RGS22: variants seen among roughly 807,000 people sequenced by gnomAD.
RGS22 encodes the protein regulator of G-protein signaling 22.
Under a neutral mutation model 172.9 loss-of-function variants are expected in RGS22, and 148 were observed. The observed-to-expected ratio is 0.86, with a 90% CI of 0.75 to 0.98. The LOEUF (loss-of-function observed/expected upper bound fraction) is 0.98, where lower values mean the gene tolerates loss of function less well. RGS22 is among the 50% of genes least tolerant of loss of function. The pLI, the probability that RGS22 is intolerant of heterozygous loss-of-function variation, is 0.00. For synonymous variants in RGS22, 458 were observed against 480.2 expected, an observed-to-expected ratio of 0.95 and a Z score of 0.60; for missense variants, 1,347 against 1,440.8, an observed-to-expected ratio of 0.93 and a Z score of 1.05.
At chr8:100,011,735 T>C (rs899391360) in intron 14 of RGS22, among the ~76,000 whole-genome samples, 3 of 152,182 alleles carry the variant, frequency 2.0e-5, no homozygotes, top group African/African-American at 7.2e-5. Flanking sequence ...CATATAATTC[T>C]ATGTCTAGCA....
chr8:100,054,244 A>G (rs981016122), intron 9 of RGS22: 1 of 152,274 alleles, frequency 6.6e-6, no homozygotes, highest in Non-Finnish European at 1.5e-5. Context: ...GCCACAGCCC[A>G]AAGACTAATT....
At chr8:100,074,472 C>G (rs1229998903) in intron 4 of RGS22, among the ~76,000 whole-genome samples, 2 of 152,166 alleles carry the variant, frequency 1.3e-5, no homozygotes, top group African/African-American at 2.4e-5. Context: ...TGATCTGTTC[C>G]GTAGTTTTGC....
intron 3 of RGS22, among the ~76,000 whole-genome samples, chr8:100,089,671 T>C (rs1053839467): frequency 1.3e-5 from 2 of 152,086 alleles, no homozygotes; most frequent in African/African-American, 4.8e-5. Flanking sequence ...CAAAGAAACA[T>C]TTATTGAGTG....
intron 4 of RGS22, among the ~76,000 whole-genome samples, chr8:100,078,601 C>G (rs1345990926): frequency 6.6e-6 from 1 of 151,496 alleles, no homozygotes. Context: ...TTCCTTTGAT[C>G]TCCACTATTG....
In RGS22 at chr8:100,051,731, G is replaced by T. The variant is rs1427132521; in HGVS notation, c.1689+1071C>A. ...TATATAAATATATATTTATATATACGTATATATAAATATATATTTATATAT... is the reference window on the plus strand; with the variant it reads ...TATATAAATATATATTTATATATACTTATATATAAATATATATTTATATAT... On this transcript the variant is annotated intron_variant, in intron 10 of 27. Coordinates refer to ENST00000360863, the MANE Select transcript of RGS22 (RefSeq NM_015668.5). Among the ~76,000 whole-genome samples, 11 of 51,312 alleles carry T rather than the reference G, an allele frequency of 2.1e-4. 1 individual carries two copies. Among genetic ancestry groups the T allele is most frequent in the African/African-American group, 1.1e-3 (8 of 7,466 alleles). The allele number at this position is 51,312 out of a possible 152,430, so 33.7% of individuals were successfully genotyped here.
At chr8:100,096,670 AATTT>A (rs1812997656) in intron 2 of RGS22, among the ~76,000 whole-genome samples, 1 of 137,922 alleles carries the variant, frequency 7.3e-6, no homozygotes. Flanking sequence ...ATTTAAAAAA[AATTT>A]TTTTTTTTTT....
intron 15 of RGS22, among the ~76,000 whole-genome samples, chr8:100,006,362 C>A (rs913410355): frequency 1.3e-5 from 2 of 152,146 alleles, no homozygotes; most frequent in African/African-American, 4.8e-5. Context: ...TGTAAACTTA[C>A]AAACAATGCA....
chr8:99,965,432 T>A lies in RGS22; in HGVS notation c.3520-2A>T. On this transcript the variant is annotated splice_acceptor_variant, in intron 23 of 27. Coordinates refer to ENST00000360863, the MANE Select transcript of RGS22 (RefSeq NM_015668.5). LOFTEE classifies it high-confidence loss of function. The stretch of plus-strand genomic sequence containing the variant: ...ATTTGCATATTGTTTGATTCCATCC[T>A]GTAATTATATTAAATTAAATTATTA... 2 of 1,580,062 alleles carry A rather than the reference T, an allele frequency of 1.3e-6. No individual in the cohort carries two copies. Among genetic ancestry groups the A allele is most frequent in the Non-Finnish European group, 1.7e-6 (2 of 1,152,890 alleles).
intron 4 of RGS22, among the ~76,000 whole-genome samples, chr8:100,073,394 T>C (rs1382153616): frequency 7.0e-6 from 1 of 143,396 alleles, no homozygotes; most frequent in Non-Finnish European, 1.5e-5. Flanking sequence ...GATTGGAACA[T>C]AAAATAGTTT....
chr8:100,019,385 T>A (rs1352572226), intron 14 of RGS22, among the ~76,000 whole-genome samples: 1 of 152,248 alleles, frequency 6.6e-6, no homozygotes, highest in Non-Finnish European at 1.5e-5. Context: ...TTAATGATCA[T>A]GTGTATGTAT....
intron 22 of RGS22, among the ~76,000 whole-genome samples, chr8:99,980,446 T>C (rs1032466458): frequency 2.2e-4 from 33 of 152,090 alleles, no homozygotes; most frequent in Admixed American, 2.2e-3. Context: ...AGGTAAGTTT[T>C]AGGAACGGAT....
intron 2 of RGS22, among the ~76,000 whole-genome samples, chr8:100,096,671 ATTT>A (rs74275402): frequency 7.2e-6 from 1 of 138,076 alleles, no homozygotes. Context: ...TTTAAAAAAA[ATTT>A]TTTTTTTTTT....
At chr8:99,967,265 G>A (rs1200889455) in intron 23 of RGS22, among the ~76,000 whole-genome samples, 1 of 152,078 alleles carries the variant, frequency 6.6e-6, no homozygotes, top group Non-Finnish European at 1.5e-5. Flanking sequence ...TATGCCACCA[G>A]TGCCCTGGGT....
In RGS22 at chr8:100,105,967, C is replaced by G. The variant is rs768659602; in HGVS notation, c.-46G>C. On this transcript the variant is annotated 5_prime_UTR_variant, in exon 1 of 28. Coordinates refer to ENST00000360863, the MANE Select transcript of RGS22 (RefSeq NM_015668.5). ...CTGGAGCCCGCGCGGGCCGTCAGGG[C>G]CCTAGCGCGCGGGTCCAGCGCGGGT... 27 of 1,385,994 alleles carry G rather than the reference C, an allele frequency of 1.9e-5. 1 individual carries two copies. The South Asian group carries it at 4.1e-4, about 21-fold the overall frequency. The allele number at this position is 1,385,994 out of a possible 1,614,324, so 85.9% of individuals were successfully genotyped here. A position where few individuals can be genotyped will look rare whatever the true frequency, so the allele number is the denominator to read the frequency against.
intron 4 of RGS22, among the ~76,000 whole-genome samples, chr8:100,077,585 T>C (rs1199327509): frequency 6.6e-6 from 1 of 152,242 alleles, no homozygotes; most frequent in Non-Finnish European, 1.5e-5. Flanking sequence ...GAGAACATAG[T>C]TGGCAAGATT....
chr8:100,027,237 A>C (rs77774164), intron 14 of RGS22, among the ~76,000 whole-genome samples: 2 of 148,626 alleles, frequency 1.3e-5, no homozygotes, highest in African/African-American at 4.9e-5. Flanking sequence ...ACCTTGTCTC[A>C]AAAAAAAAAG....
At chr8:100,043,033 G>C (rs1470744413) in intron 11 of RGS22, among the ~76,000 whole-genome samples, 1 of 152,162 alleles carries the variant, frequency 6.6e-6, no homozygotes, top group African/African-American at 2.4e-5. Context: ...GACCATGAGG[G>C]AAAGGCCAAG....
chr8:100,057,023 G>C (rs989375307), intron 9 of RGS22, among the ~76,000 whole-genome samples: 58 of 152,250 alleles, frequency 3.8e-4, no homozygotes, highest in African/African-American at 1.4e-3. Context: ...CAAAGCCACA[G>C]GGGCAGAGCT....
rs1821818822 is a variant in RGS22, at chr8:100,052,816, T to C, written c.1675A>G (p.Ile559Val). Residue 559 changes from isoleucine (I) to valine (V), a missense_variant, in exon 10 of 28, where the codon ATA (isoleucine) becomes GTA (valine). Physicochemically the swap from Ile to Val is conservative, Grantham distance 29. Transcript: ENST00000360863. ...PLRPKSCIPQ[I>V]PEIQKEEFSL... ...GTACACCCTACCTGGATCTCAGGTA[T>C]CTGTGGAATGCAAGATTTGGGTCTT... is the stretch of plus-strand genomic sequence containing the variant. 6.2e-7 allele frequency: 1 copy of C among 1,614,040 alleles called. No individual in the cohort carries two copies. The highest frequency in any genetic ancestry group is 8.5e-7 in the Non-Finnish European group (1 of 1,179,956).
Sources: allele counts gnomAD v4.1 joint callset (sites outside exome capture counted in the v4.1 genomes callset), GRCh38; gene constraint gnomAD v4.1.1; transcripts MANE v1.5; gene names NCBI Gene and HGNC (gene_info 2026-07-23, HGNC 2026-07-21).